KIAA0319: variants seen among roughly 807,000 people sequenced by gnomAD.
KIAA0319 encodes dyslexia-associated protein KIAA0319.
KIAA0319 carries 83 observed loss-of-function variants against 108.4 expected under a neutral mutation model. The observed-to-expected ratio is 0.77, with a 90% confidence interval of 0.64 to 0.92. KIAA0319 has a LOEUF of 0.92. Ranked by LOEUF, KIAA0319 falls within the 40% of genes least tolerant of loss-of-function variation. KIAA0319 has a pLI of 0.00. For missense variants in KIAA0319, 1,195 were observed against 1,322.4 expected (o/e 0.90, Z 1.49); for synonymous variants, 484 against 510.4 (o/e 0.95, Z 0.70).
Position 24,569,964 on chromosome 6 carries a change from G to T in KIAA0319, c.1930C>A (p.Leu644Met). The change falls in exon 12 of 21, where the codon CTG becomes ATG. Residue 644 changes from leucine (L) to methionine (M), a missense_variant. Physicochemically the swap from Leu to Met is conservative, Grantham distance 15. Transcript: ENST00000378214. ...ELIFPVESATLDGSSSSDDHG... is the reference protein window; with the variant it reads ...ELIFPVESATMDGSSSSDDHG... ...TCATCGCTGCTGCTGCTCCCATCCA[G>T]GGTAGCACTTTCCACTGGGAAGATC... 6.2e-7 allele frequency: 1 copy of T among 1,614,094 alleles called. No homozygotes were observed. Among genetic ancestry groups the T allele is most frequent in the Non-Finnish European group, 8.5e-7 (1 of 1,179,932 alleles).
intron 4 of KIAA0319, among the ~76,000 whole-genome samples, chr6:24,584,938 T>C (rs1421733246): frequency 6.6e-6 from 1 of 152,194 alleles, no homozygotes; most frequent in Non-Finnish European, 1.5e-5. Flanking sequence ...TTCCGTATAC[T>C]ACACAGCTTC....
chr6:24,598,931 C>T (rs1037325197), intron 2 of KIAA0319: 14 of 516,632 alleles, frequency 2.7e-5, no homozygotes, highest in Admixed American at 2.0e-4. Flanking sequence ...ATGAATTTGT[C>T]CTCATCAAGA....
intron 1 of KIAA0319, among the ~76,000 whole-genome samples, chr6:24,619,004 G>C (rs1773542657): frequency 1.3e-5 from 2 of 152,168 alleles, no homozygotes; most frequent in South Asian, 4.1e-4. Flanking sequence ...GGACAGCTGA[G>C]AGGAAAGAGT....
rs1196641843 is a variant in KIAA0319 at position 24,582,259 on chromosome 6, T to A, written c.1181A>T (p.Asn394Ile). ...EIKQGHKQTL[N>I]LSQLSVGLYV... ...TCTCCAGTTACTTACTTGAGAGAGG[T>A]TAAGAGTTTGCTTGTGTCCTTGTTT... The change falls in exon 6 of 21, where the codon AAC becomes ATC. Residue 394 changes from asparagine (N) to isoleucine (I), a missense_variant. Physicochemically the swap from Asn to Ile is moderately radical, Grantham distance 149. Coordinates refer to ENST00000378214, the MANE Select transcript of KIAA0319 (RefSeq NM_014809.4). The A allele has an allele frequency of 3.8e-6, 6 of 1,588,584 alleles. No homozygotes were observed. Among genetic ancestry groups the A allele is most frequent in the Non-Finnish European group, 5.2e-6 (6 of 1,156,896 alleles).
intron 1 of KIAA0319, among the ~76,000 whole-genome samples, chr6:24,614,453 A>G (rs1284573961): frequency 6.6e-6 from 1 of 152,114 alleles, no homozygotes. Context: ...TTATCACCAC[A>G]AGTGCAACTA....
At chr6:24,636,180 T>G (rs181146328) in intron 1 of KIAA0319, among the ~76,000 whole-genome samples, 1 of 152,278 alleles carries the variant, frequency 6.6e-6, no homozygotes. Context: ...AATACATACC[T>G]ACGCCCCAAA....
intron 1 of KIAA0319, among the ~76,000 whole-genome samples, chr6:24,616,700 T>C (rs961394272): frequency 6.6e-6 from 1 of 152,214 alleles, no homozygotes; most frequent in Non-Finnish European, 1.5e-5. Context: ...GAATGCAGTA[T>C]AGACTTTTAA....
chr6:24,620,345 G>A (rs1047211725), intron 1 of KIAA0319, among the ~76,000 whole-genome samples: 1 of 152,146 alleles, frequency 6.6e-6, no homozygotes, highest in African/African-American at 2.4e-5. Flanking sequence ...CTGTCGCCCA[G>A]GCTGAAGTGC....
At chr6:24,578,348 G>T in intron 8 of KIAA0319, 106 bp from the exon 9 acceptor site, 1 of 817,178 alleles carries the variant, frequency 1.2e-6, no homozygotes, top group Non-Finnish European at 1.9e-6. Flanking sequence ...AAGAAATTAT[G>T]TACTTGCCTA....
At chr6:24,635,217 G>A (rs907493231) in intron 1 of KIAA0319, among the ~76,000 whole-genome samples, 4 of 151,026 alleles carry the variant, frequency 2.6e-5, no homozygotes, top group African/African-American at 7.3e-5. Flanking sequence ...CTCCACCTCC[G>A]CCTCAGCCTC....
At chr6:24,583,160 TTTTTTGAGCAGCTAGTGTGAGGCA>T in intron 5 of KIAA0319, 1 of 986,820 alleles carries the variant, frequency 1.0e-6, no homozygotes, top group Non-Finnish European at 1.2e-6. Flanking sequence ...TTGAATAAAT[TTTTTTGAGCAGCTAGTGTGAGGCA>T]TCCTGAGAAC....
chr6:24,595,899 G>A lies in KIAA0319; in HGVS notation c.775C>T (p.Gln259Ter). Residue 259 changes from glutamine to a stop codon, truncating the protein, a stop_gained, in exon 3 of 21, where the codon CAA (glutamine) becomes TAA (stop). Coordinates refer to ENST00000378214, the MANE Select transcript of KIAA0319 (RefSeq NM_014809.4). LOFTEE classifies it high-confidence loss of function. ...EKEKASQLQE[Q>*]SSNSSGKEVL... ...TCTTTTCCAGAGCTGTTGCTGGATT[G>A]TTCCTGGAGCTGAGAAGCCTTTTCT... 6.2e-7 allele frequency: 1 copy of A among 1,608,872 alleles called. No homozygotes were observed. The highest frequency in any genetic ancestry group is 8.5e-7 in the Non-Finnish European group (1 of 1,177,362).
intron 2 of KIAA0319, chr6:24,598,707 C>A: frequency 3.9e-6 from 1 of 259,708 alleles, no homozygotes; most frequent in Non-Finnish European, 7.6e-6. Flanking sequence ...GAAACCCTGT[C>A]TCTACTAAAA....
At position 24,595,563 on chromosome 6, in the gene KIAA0319, A is replaced by C. The variant is rs9393565; in HGVS notation, c.801+310T>G. Among the ~76,000 whole-genome samples the C allele has an allele frequency of 3.0e-4, 43 of 143,070 alleles. 1 individual carries two copies. Among genetic ancestry groups the C allele is most frequent in the Non-Finnish European group, 4.3e-4 (28 of 65,734 alleles). 93.9% of individuals were successfully genotyped at this position (143,070 alleles called of 152,430 possible). On this transcript the variant is annotated intron_variant, in intron 3 of 20. Transcript: ENST00000378214. ...TTCAATCTCAAAAAAAAAAAAAAAA[A>C]AAAAAAACGCTACAGGCATTTCTAG...
At chr6:24,616,929 G>A (rs143072846) in intron 1 of KIAA0319, among the ~76,000 whole-genome samples, 7 of 151,868 alleles carry the variant, frequency 4.6e-5, no homozygotes, top group East Asian at 1.9e-4. Flanking sequence ...CAAACTCATC[G>A]CTCATATTAT....
At chr6:24,639,381 T>G (rs1457350208) in intron 1 of KIAA0319, among the ~76,000 whole-genome samples, 1 of 152,040 alleles carries the variant, frequency 6.6e-6, no homozygotes, top group Non-Finnish European at 1.5e-5. Flanking sequence ...CTAGAAAGTA[T>G]AGAGGAACAA....
rs917977465 is a variant in KIAA0319, at chr6:24,645,896, C to A, written c.-266G>T. On this transcript the variant is annotated 5_prime_UTR_variant, in exon 1 of 21. Coordinates refer to ENST00000378214, the MANE Select transcript of KIAA0319 (RefSeq NM_014809.4). ...ACACACACACACACACACGTTCACA[C>A]CCTCGCGCGCGCACCTGCTGTTAAG... The A allele has an allele frequency of 3.9e-5, 6 of 153,140 alleles. No individual in the cohort carries two copies. The Admixed American group carries it at 3.9e-4, about 10-fold the overall frequency. 9.5% of individuals were successfully genotyped at this position (153,140 alleles called of 1,614,324 possible). A position where few individuals can be genotyped will look rare whatever the true frequency, so the allele number is the denominator to read the frequency against.
intron 14 of KIAA0319, among the ~76,000 whole-genome samples, chr6:24,565,752 CAAAA>C (rs71542686): frequency 1.6e-5 from 1 of 62,716 alleles, no homozygotes; most frequent in Non-Finnish European, 3.1e-5. Context: ...GACTCCATCT[CAAAA>C]AAAAAAAAAA....
Position 24,613,609 on chromosome 6 carries a change from C to T in KIAA0319, c.-105-12401G>A, listed in dbSNP as rs1772707063. 4.0e-5 allele frequency among the ~76,000 whole-genome samples: 6 copies of T among 148,766 alleles called. No individual in the cohort carries two copies. In the South Asian group the frequency reaches 1.3e-3, roughly 32 times the overall value. On this transcript the variant is annotated intron_variant, in intron 1 of 20. Coordinates refer to ENST00000378214, the MANE Select transcript of KIAA0319 (RefSeq NM_014809.4). ...GAATCCCCACTGATTTCTGAAATCACTTAATGTAAGCACAAACAACTGGTT... is the reference window on the plus strand; with the variant it reads ...GAATCCCCACTGATTTCTGAAATCATTTAATGTAAGCACAAACAACTGGTT...
Sources: allele counts gnomAD v4.1 joint callset (sites outside exome capture counted in the v4.1 genomes callset), GRCh38; gene constraint gnomAD v4.1.1; transcripts MANE v1.5; gene names NCBI Gene and HGNC (gene_info 2026-07-23, HGNC 2026-07-21).